Variants in SVEP1 observed in about 807,000 individuals in gnomAD.
The protein encoded by SVEP1 is sushi, von Willebrand factor type A, EGF and pentraxin domain-containing protein 1.
SVEP1 carries 164 observed loss-of-function variants against 367.3 expected under a neutral mutation model. The observed-to-expected ratio is 0.45, with a 90% CI of 0.39 to 0.51. The LOEUF is 0.51. Among genes scored for constraint, SVEP1 ranks in the 20% least tolerant of loss-of-function variants. The pLI is 0.00. For synonymous variants in SVEP1, 1,666 were observed against 1,611.6 expected, an observed-to-expected ratio of 1.03 and a Z score of -0.81; for missense variants, 4,117 against 4,425.3, an observed-to-expected ratio of 0.93 and a Z score of 1.98.
intron 18 of SVEP1, among the ~76,000 whole-genome samples, chr9:110,460,662 G>T (rs914796692): frequency 3.3e-5 from 5 of 152,158 alleles, no homozygotes; most frequent in Middle Eastern, 3.4e-3. Flanking sequence ...TAAGGCAGGA[G>T]AATTGCTTGA....
At chr9:110,558,862 G>A (rs918362272) in intron 1 of SVEP1, among the ~76,000 whole-genome samples, 11 of 152,030 alleles carry the variant, frequency 7.2e-5, no homozygotes, top group South Asian at 2.1e-4. Context: ...AAACTTTCTC[G>A]TTTATGTGAT....
Position 110,443,636 on chromosome 9 carries a change from A to G in SVEP1, c.4548T>C (p.Thr1516=), listed in dbSNP as rs562847592. The change falls in exon 27 of 48, where the codon ACT becomes ACC. Residue 1516 remains threonine, a synonymous_variant. Transcript: ENST00000374469. ...TCCAGATGCCATTGGCACTTGTCCA[A>G]GTGATTGCAATATGATGCCATCTGC... The part of the protein sequence containing the change: ...NDGRWHHIAI[T]WTSANGIWKV... 26 of 1,613,570 alleles carry G rather than the reference A, an allele frequency of 1.6e-5. No individual in the cohort carries two copies. The highest frequency in any genetic ancestry group is 8.9e-5 in the East Asian group (4 of 44,860).
At chr9:110,410,276 C>T (rs1374455250) in intron 37 of SVEP1, among the ~76,000 whole-genome samples, 1 of 152,170 alleles carries the variant, frequency 6.6e-6, no homozygotes, top group Non-Finnish European at 1.5e-5. Flanking sequence ...AATAGATTCT[C>T]ATTCCTATTT....
intron 36 of SVEP1, among the ~76,000 whole-genome samples, chr9:110,425,972 A>G (rs1209172148): frequency 6.6e-6 from 1 of 152,174 alleles, no homozygotes; most frequent in African/African-American, 2.4e-5. Flanking sequence ...AAAAAGCCCC[A>G]GCAATAGTCA....
chr9:110,502,869 G>A (rs1357146351), intron 6 of SVEP1, among the ~76,000 whole-genome samples, 169 bp downstream of exon 6: 1 of 150,596 alleles, frequency 6.6e-6, no homozygotes, highest in Non-Finnish European at 1.5e-5. Flanking sequence ...GTGGAGAGGA[G>A]TAAGACAACA....
chr9:110,476,086 A>C (rs977240410), intron 14 of SVEP1, 118 bp downstream of exon 14: 6 of 623,992 alleles, frequency 9.6e-6, no homozygotes, highest in Non-Finnish European at 1.4e-5. Flanking sequence ...AGCCATCCTA[A>C]AATACTTGAT....
intron 13 of SVEP1, among the ~76,000 whole-genome samples, chr9:110,478,640 G>A (rs1473835912): frequency 1.3e-5 from 2 of 152,010 alleles, no homozygotes; most frequent in African/African-American, 4.8e-5. Flanking sequence ...ATATTTTCTT[G>A]GTTTGCTAGT....
At chr9:110,550,313 A>G (rs1830268214) in intron 1 of SVEP1, among the ~76,000 whole-genome samples, 1 of 152,204 alleles carries the variant, frequency 6.6e-6, no homozygotes, top group South Asian at 2.1e-4. Context: ...AAAAGCATTT[A>G]AAAACTATCA....
At chr9:110,491,590 G>GGTGGGTGTGTGTGTGT (rs1554719182) in intron 8 of SVEP1, among the ~76,000 whole-genome samples, 4 of 147,732 alleles carry the variant, frequency 2.7e-5, no homozygotes, top group African/African-American at 1.0e-4. Context: ...TATAGAATGG[G>GGTGGGTGTGTGTGTGT]GTGTGTGTGT....
rs375581243 is a variant in SVEP1 at position 110,366,489 on chromosome 9, C to T, written c.*50G>A. ...TAAGTTCCAGGATGCCCAGGCACTA[C>T]CGAGGAGAGATGATCCTGCTTTTGG... On this transcript the variant is annotated 3_prime_UTR_variant, in exon 48 of 48. Transcript: ENST00000374469. The T allele has an allele frequency of 1.3e-6, 2 of 1,528,488 alleles. No homozygotes were observed. The highest frequency in any genetic ancestry group is 2.6e-5 in the South Asian group (2 of 77,390). 94.7% of individuals were successfully genotyped at this position (1,528,488 alleles called of 1,614,324 possible). A position where few individuals can be genotyped will look rare whatever the true frequency, so the allele number is the denominator to read the frequency against.
At chr9:110,431,868 A>G (rs1828354071) in intron 32 of SVEP1, 47 bp downstream of exon 32, 3 of 1,609,168 alleles carry the variant, frequency 1.9e-6, no homozygotes, top group Non-Finnish European at 2.5e-6. Context: ...ATGTACTTGA[A>G]TAAAAGAATG....
chr9:110,398,568 G>C (rs1276436242), intron 40 of SVEP1, among the ~76,000 whole-genome samples: 3 of 144,848 alleles, frequency 2.1e-5, no homozygotes, highest in Admixed American at 7.0e-5. Context: ...CTACAGAATG[G>C]GAGAAAATTT....
At chr9:110,559,913 C>T (rs1009981270) in intron 1 of SVEP1, among the ~76,000 whole-genome samples, 5 of 151,978 alleles carry the variant, frequency 3.3e-5, no homozygotes, top group South Asian at 2.1e-4. Flanking sequence ...AAGTAGGCAA[C>T]CAAACACAAT....
chr9:110,457,877 C>T (rs1564148466), intron 20 of SVEP1, among the ~76,000 whole-genome samples: 1 of 152,106 alleles, frequency 6.6e-6, no homozygotes, highest in African/African-American at 2.4e-5. Flanking sequence ...CCCCATTATC[C>T]ATGAAAATAC....
chr9:110,424,356 A>AG (rs1828221301), intron 36 of SVEP1, among the ~76,000 whole-genome samples: 1 of 51,258 alleles, frequency 2.0e-5, no homozygotes, highest in Admixed American at 1.7e-4. Context: ...AATGTAAAAA[A>AG]AATAAGGTTA....
chr9:110,410,953 C>T, intron 37 of SVEP1, 110 bp downstream of exon 37: 2 of 912,756 alleles, frequency 2.2e-6, no homozygotes, highest in Non-Finnish European at 3.2e-6. Context: ...TTCCAGTTTC[C>T]ATGCCTTAGT....
Position 110,550,019 on chromosome 9 carries a change from G to T in SVEP1, c.617C>A (p.Pro206Gln). Residue 206 changes from proline (P) to glutamine (Q), a missense_variant, in exon 2 of 48, where the codon CCA (proline) becomes CAA (glutamine). By Grantham distance (76) the Pro-to-Gln change is moderately conservative. Transcript: ENST00000374469. ...DGYSNGGDPR[P>Q]IAASLRDSGV... ...TGAATCTCGCAGTGACGCTGCAATT[G>T]GTCTAGGGTCTCCCCCATTGGAATA... is the stretch of plus-strand genomic sequence containing the variant. 6.2e-7 allele frequency: 1 copy of T among 1,613,996 alleles called. No individual in the cohort carries two copies. Among genetic ancestry groups the T allele is most frequent in the Non-Finnish European group, 8.5e-7 (1 of 1,179,888 alleles).
intron 1 of SVEP1, among the ~76,000 whole-genome samples, chr9:110,553,738 A>G (rs1160403502): frequency 6.6e-6 from 1 of 152,176 alleles, no homozygotes; most frequent in African/African-American, 2.4e-5. Flanking sequence ...TTTTAAAGTC[A>G]TAAAAACCCA....
intron 1 of SVEP1, among the ~76,000 whole-genome samples, chr9:110,571,249 G>A (rs1046276065): frequency 5.3e-5 from 8 of 152,114 alleles, no homozygotes; most frequent in Admixed American, 2.0e-4. Context: ...GATTACAGGC[G>A]TGAGCCACCA....
Sources: allele counts gnomAD v4.1 joint callset (sites outside exome capture counted in the v4.1 genomes callset), GRCh38; gene constraint gnomAD v4.1.1; transcripts MANE v1.5; gene names NCBI Gene and HGNC (gene_info 2026-07-23, HGNC 2026-07-21).